FHOD3: variants seen among roughly 807,000 people sequenced by gnomAD.
FHOD3 encodes FH1/FH2 domain-containing protein 3.
In FHOD3, 90 loss-of-function variants were observed where a neutral mutation model predicts 173.0. That is an observed-to-expected ratio of 0.52 (90% CI 0.44 to 0.62). FHOD3 has a LOEUF of 0.62. FHOD3 is among the 20% of genes least tolerant of loss of function. FHOD3 has a pLI of 0.00. For synonymous variants in FHOD3, 828 were observed against 823.0 expected, an observed-to-expected ratio of 1.01 and a Z score of -0.10; for missense variants, 1,945 against 2,034.7, an observed-to-expected ratio of 0.96 and a Z score of 0.85.
chr18:36,763,768 C>T (rs1369326499), intron 27 of FHOD3, among the ~76,000 whole-genome samples: 5 of 151,928 alleles, frequency 3.3e-5, no homozygotes, highest in Admixed American at 6.6e-5. Flanking sequence ...CCCTCCCTGC[C>T]CCAGTGTTAC....
intron 14 of FHOD3, among the ~76,000 whole-genome samples, chr18:36,680,416 A>C (rs1286161049): frequency 6.6e-6 from 1 of 152,230 alleles, no homozygotes; most frequent in Non-Finnish European, 1.5e-5. Context: ...AATTGGCAAA[A>C]TATATTTCAT....
intron 5 of FHOD3, among the ~76,000 whole-genome samples, chr18:36,551,397 T>C (rs1245654679): frequency 6.6e-6 from 1 of 152,078 alleles, no homozygotes; most frequent in African/African-American, 2.4e-5. Flanking sequence ...TTGGGAAATA[T>C]TTGCCCCTCT....
intron 3 of FHOD3, among the ~76,000 whole-genome samples, chr18:36,498,632 T>C (rs2054864677): frequency 2.0e-5 from 3 of 152,140 alleles, no homozygotes. Context: ...TAGCCCTACA[T>C]TAATGAAGAA....
intron 5 of FHOD3, among the ~76,000 whole-genome samples, chr18:36,529,591 G>A (rs1016876177): frequency 6.6e-6 from 1 of 152,152 alleles, no homozygotes; most frequent in Non-Finnish European, 1.5e-5. Context: ...GGCTGAGGCG[G>A]GTGGATCACT....
At chr18:36,624,344 G>A (rs571617920) in intron 9 of FHOD3, among the ~76,000 whole-genome samples, 112 of 152,258 alleles carry the variant, frequency 7.4e-4, no homozygotes, top group Non-Finnish European at 8.7e-4. Flanking sequence ...TTTATGACAG[G>A]GCACACCTGG....
Position 36,672,494 on chromosome 18 carries a change from C to T in FHOD3, c.1836-8942C>T, listed in dbSNP as rs534136194. Among the ~76,000 whole-genome samples the T allele has an allele frequency of 5.5e-4, 84 of 152,348 alleles. No individual in the cohort carries two copies. In the South Asian group the frequency reaches 0.012, roughly 21 times the overall value. On this transcript the variant is annotated intron_variant, in intron 14 of 28. Transcript: ENST00000590592. ...TGGGGCAGCTTGGCACCATGCCTCA[C>T]GGCCCAGCCACCTCGCCCAGACTTG... is the stretch of plus-strand genomic sequence containing the variant.
chr18:36,414,831 C>T (rs1371227962), intron 3 of FHOD3, among the ~76,000 whole-genome samples: 1 of 152,184 alleles, frequency 6.6e-6, no homozygotes, highest in Non-Finnish European at 1.5e-5. Flanking sequence ...TCACAAAGGT[C>T]AGATTGAAGC....
chr18:36,759,443 A>G (rs1193293449), intron 26 of FHOD3, among the ~76,000 whole-genome samples: 1 of 152,210 alleles, frequency 6.6e-6, no homozygotes, highest in Non-Finnish European at 1.5e-5. Context: ...GGAAAAGTGG[A>G]CAGAGAATTT....
At chr18:36,517,703 A>G (rs60603198) in intron 5 of FHOD3, among the ~76,000 whole-genome samples, 1,662 of 152,262 alleles carry the variant, frequency 0.011, 36 homozygotes, top group African/African-American at 0.038. Flanking sequence ...AACGCATTTA[A>G]CTCAACCTTT....
At chr18:36,677,885 A>AT (rs2037965351) in intron 14 of FHOD3, among the ~76,000 whole-genome samples, 1 of 152,146 alleles carries the variant, frequency 6.6e-6, no homozygotes, top group Non-Finnish European at 1.5e-5. Context: ...TATAGCTTTC[A>AT]TTTGGGTCTT....
At chr18:36,449,653 T>A (rs1014345702) in intron 3 of FHOD3, among the ~76,000 whole-genome samples, 1 of 152,208 alleles carries the variant, frequency 6.6e-6, no homozygotes, top group Non-Finnish European at 1.5e-5. Flanking sequence ...AAAACAACTT[T>A]TAGTGTTTCA....
intron 23 of FHOD3, among the ~76,000 whole-genome samples, chr18:36,746,508 C>T (rs1366158311): frequency 1.3e-5 from 2 of 152,146 alleles, no homozygotes; most frequent in Non-Finnish European, 2.9e-5. Context: ...GCTGGCTGCC[C>T]ATTAGTTGGT....
At chr18:36,415,563 A>G (rs1205028475) in intron 3 of FHOD3, among the ~76,000 whole-genome samples, 4 of 152,222 alleles carry the variant, frequency 2.6e-5, no homozygotes, top group Non-Finnish European at 2.9e-5. Context: ...GTTCCTTTTC[A>G]GCTGCATTTT....
intron 3 of FHOD3, among the ~76,000 whole-genome samples, chr18:36,391,706 G>A: frequency 6.6e-6 from 1 of 152,138 alleles, no homozygotes; most frequent in East Asian, 1.9e-4. Context: ...CTCTTGTAAA[G>A]GGCATGGTTG....
chr18:36,689,723 G>A (rs574056478), intron 16 of FHOD3, among the ~76,000 whole-genome samples: 53 of 152,212 alleles, frequency 3.5e-4, no homozygotes, highest in African/African-American at 1.2e-3. Flanking sequence ...CTTCTGTTTG[G>A]GTTTGTTAGT....
chr18:36,757,955 C>T (rs1486629118), intron 25 of FHOD3, among the ~76,000 whole-genome samples: 1 of 152,192 alleles, frequency 6.6e-6, no homozygotes, highest in African/African-American at 2.4e-5. Context: ...CAGTGGTAAT[C>T]CTGGGTGAGA....
At chr18:36,398,026 C>T (rs2048634901) in intron 3 of FHOD3, among the ~76,000 whole-genome samples, 1 of 152,034 alleles carries the variant, frequency 6.6e-6, no homozygotes, top group African/African-American at 2.4e-5. Context: ...TATCTGGCTA[C>T]TAGGCTACCC....
At chr18:36,541,449 C>A (rs886788343) in intron 5 of FHOD3, among the ~76,000 whole-genome samples, 1 of 151,966 alleles carries the variant, frequency 6.6e-6, no homozygotes, top group Admixed American at 6.6e-5. Flanking sequence ...CCAGCTTACT[C>A]AGGAGGCTGA....
At chr18:36,703,842 G>A (rs1230080937) in intron 17 of FHOD3, among the ~76,000 whole-genome samples, 3 of 152,160 alleles carry the variant, frequency 2.0e-5, no homozygotes, top group Non-Finnish European at 4.4e-5. Flanking sequence ...TGACGGGGCA[G>A]CCTTTATATT....
Sources: allele counts gnomAD v4.1 joint callset (sites outside exome capture counted in the v4.1 genomes callset), GRCh38; gene constraint gnomAD v4.1.1; transcripts MANE v1.5; gene names NCBI Gene and HGNC (gene_info 2026-07-23, HGNC 2026-07-21).